TENM4: variants seen among roughly 807,000 people sequenced by gnomAD.
The protein encoded by TENM4 is teneurin-4.
TENM4 carries 82 observed loss-of-function variants against 243.3 expected under a neutral mutation model. The ratio of observed to expected loss-of-function variants is 0.34; its 90% CI spans 0.28 to 0.40. The LOEUF is 0.40. Among genes scored for constraint, TENM4 ranks in the 10% least tolerant of loss-of-function variants. The pLI is 1.00. For missense variants in TENM4, 3,138 were observed against 3,673.3 expected, an observed-to-expected ratio of 0.85 and a Z score of 3.77; for synonymous variants, 1,412 against 1,456.3, an observed-to-expected ratio of 0.97 and a Z score of 0.69.
At chr11:79,326,630 C>T (rs1405502626) in intron 1 of TENM4, among the ~76,000 whole-genome samples, 1 of 152,198 alleles carries the variant, frequency 6.6e-6, no homozygotes, top group Non-Finnish European at 1.5e-5. Context: ...CAATAGCAAC[C>T]AGGAACTAGG....
intron 3 of TENM4, among the ~76,000 whole-genome samples, chr11:79,173,344 A>G (rs896796408): frequency 3.9e-5 from 6 of 152,054 alleles, no homozygotes; most frequent in African/African-American, 1.4e-4. Context: ...TATGAGTTAC[A>G]TGAATGGTAA....
intron 18 of TENM4, among the ~76,000 whole-genome samples, chr11:78,759,167 G>A (rs1313538469): frequency 6.6e-6 from 1 of 152,124 alleles, no homozygotes; most frequent in Admixed American, 6.5e-5. Flanking sequence ...GCATTGACCT[G>A]CATCCTAACT....
chr11:79,124,891 ATATGTGTGTG>A (rs1861836944), intron 4 of TENM4, among the ~76,000 whole-genome samples: 1 of 57,848 alleles, frequency 1.7e-5, no homozygotes, highest in Admixed American at 1.8e-4. Context: ...ATGTATATGT[ATATGTGTGTG>A]TGTGTGTGTG....
intron 3 of TENM4, among the ~76,000 whole-genome samples, chr11:79,149,209 G>A (rs1013926808): frequency 1.3e-5 from 2 of 152,138 alleles, no homozygotes; most frequent in African/African-American, 4.8e-5. Flanking sequence ...TACCAGTGGA[G>A]TAAAGAGAGT....
chr11:79,319,941 T>C (rs778268983), intron 1 of TENM4, among the ~76,000 whole-genome samples: 9 of 152,150 alleles, frequency 5.9e-5, no homozygotes, highest in Non-Finnish European at 1.3e-4. Flanking sequence ...ATTTTCTTAT[T>C]AGGTAGAGGC....
At chr11:78,953,859 A>G (rs1857156752) in intron 6 of TENM4, among the ~76,000 whole-genome samples, 1 of 152,146 alleles carries the variant, frequency 6.6e-6, no homozygotes, top group Admixed American at 6.5e-5. Context: ...TCTCCATTTT[A>G]CAGACGAGAC....
chr11:78,687,057 G>A (rs1287191888), intron 29 of TENM4, among the ~76,000 whole-genome samples: 4 of 152,204 alleles, frequency 2.6e-5, no homozygotes, highest in African/African-American at 4.8e-5. Context: ...CGACTGAGCA[G>A]CCCTGTGGGG....
chr11:78,899,988 G>A (rs1273252250), intron 7 of TENM4, among the ~76,000 whole-genome samples: 1 of 152,200 alleles, frequency 6.6e-6, no homozygotes, highest in Admixed American at 6.5e-5. Flanking sequence ...GCCAAGACCA[G>A]CTTTCCAGCC....
intron 4 of TENM4, among the ~76,000 whole-genome samples, chr11:79,099,313 T>C (rs776189464): frequency 5.9e-5 from 9 of 152,096 alleles, no homozygotes; most frequent in African/African-American, 9.7e-5. Context: ...AGGCCCCCCA[T>C]ATAGTCTTCT....
At chr11:79,436,456 T>G (rs112360675) in intron 1 of TENM4, among the ~76,000 whole-genome samples, 49 of 152,292 alleles carry the variant, frequency 3.2e-4, no homozygotes, top group African/African-American at 1.1e-3. Flanking sequence ...AGAGCCATGA[T>G]TCCAACCCAA....
chr11:79,405,783 C>T (rs1420178946), intron 1 of TENM4, among the ~76,000 whole-genome samples: 4 of 145,304 alleles, frequency 2.8e-5, no homozygotes, highest in African/African-American at 5.1e-5. Context: ...CAATGATTTA[C>T]GCATATAAAA....
chr11:79,159,764 C>G (rs376456576), intron 3 of TENM4, among the ~76,000 whole-genome samples: 3 of 152,182 alleles, frequency 2.0e-5, no homozygotes, highest in South Asian at 2.1e-4. Context: ...CTCGTTCACT[C>G]AATCAATTAT....
intron 28 of TENM4, among the ~76,000 whole-genome samples, chr11:78,695,759 C>T (rs963354822): frequency 2.8e-5 from 4 of 144,554 alleles, no homozygotes; most frequent in African/African-American, 1.1e-4. Flanking sequence ...ACCTTTGTTC[C>T]TCTTATAAAA....
intron 3 of TENM4, among the ~76,000 whole-genome samples, 183 bp downstream of exon 3, chr11:79,215,625 G>A (rs1353388797): frequency 6.6e-6 from 1 of 152,102 alleles, no homozygotes; most frequent in Non-Finnish European, 1.5e-5. Context: ...CAGTCCTACT[G>A]CATCTGTTCC....
Position 79,413,045 on chromosome 11 carries a change from G to T in TENM4, c.-321+27464C>A, listed in dbSNP as rs190376073. Among the ~76,000 whole-genome samples, 62 of 152,298 alleles carry T rather than the reference G, an allele frequency of 4.1e-4. 1 individual carries two copies. The East Asian group carries it at 0.012, about 28-fold the overall frequency. On this transcript the variant is annotated intron_variant, in intron 1 of 33. Transcript: ENST00000278550. Reference sequence around the variant, plus strand: ...AGTTACAGCATGTCCTAATGATGTGGTAATAACTAAAGGCCATCAAATCAG... The same window carrying T: ...AGTTACAGCATGTCCTAATGATGTGTTAATAACTAAAGGCCATCAAATCAG...
At chr11:79,184,308 C>G (rs183643453) in intron 3 of TENM4, among the ~76,000 whole-genome samples, 3 of 152,208 alleles carry the variant, frequency 2.0e-5, no homozygotes, top group East Asian at 3.9e-4. Context: ...TCAGGATGAA[C>G]CTGCTTGATG....
At chr11:79,347,707 C>G (rs914982291) in intron 1 of TENM4, among the ~76,000 whole-genome samples, 1 of 149,796 alleles carries the variant, frequency 6.7e-6, no homozygotes. Flanking sequence ...AAAACAGGAA[C>G]ATGCAGCTGG....
At chr11:78,847,065 G>A (rs546152022) in intron 12 of TENM4, among the ~76,000 whole-genome samples, 2 of 152,106 alleles carry the variant, frequency 1.3e-5, no homozygotes, top group Admixed American at 1.3e-4. Context: ...TGCCTGACAT[G>A]CAGACATAAG....
In TENM4 at chr11:78,702,092, A is replaced by G. The variant is rs1359459852; in HGVS notation, c.4521T>C (p.Ala1507=). 4 of 1,613,808 alleles carry G rather than the reference A, an allele frequency of 2.5e-6. No individual in the cohort carries two copies. In the Admixed American group the frequency reaches 5.0e-5, roughly 20 times the overall value. Residue 1507 remains alanine, a synonymous_variant, in exon 28 of 34, where the codon GCT becomes GCC. Transcript: ENST00000278550. ...VTTSGEISLV[A]GAPSGCDCKN... ...TACAGTCACAGCCACTGGGGGCCCCAGCAACGAGTGAGATCTCTCCACTAG... is the reference window on the plus strand; with the variant it reads ...TACAGTCACAGCCACTGGGGGCCCCGGCAACGAGTGAGATCTCTCCACTAG...
Sources: gnomAD v4.1 joint callset for allele counts (sites outside exome capture counted in the v4.1 genomes callset) on GRCh38, gnomAD v4.1.1 for gene constraint, MANE v1.5 for transcripts, NCBI Gene and HGNC (gene_info 2026-07-23, HGNC 2026-07-21) for gene names.